Variants in APBB2 observed in about 807,000 individuals in gnomAD.
APBB2 encodes Fe65-like 1.
In APBB2, 38 loss-of-function variants were observed where a neutral mutation model predicts 82.5. That is an observed-to-expected ratio of 0.46 (90% CI 0.36 to 0.60). APBB2 has a LOEUF of 0.60. Among genes scored for constraint, APBB2 ranks in the 20% least tolerant of loss-of-function variants. The pLI is 0.00. For synonymous variants in APBB2, 341 were observed against 368.2 expected (o/e 0.93, Z 0.85); for missense variants, 772 against 972.3 (o/e 0.79, Z 2.74).
chr4:41,144,281 C>T (rs1430403802), intron 1 of APBB2, among the ~76,000 whole-genome samples: 1 of 152,138 alleles, frequency 6.6e-6, no homozygotes, highest in Non-Finnish European at 1.5e-5. Flanking sequence ...AAACCTCAGT[C>T]CCAAAAATCA....
intron 10 of APBB2, among the ~76,000 whole-genome samples, chr4:40,930,906 C>A (rs1560311120): frequency 6.6e-6 from 1 of 152,200 alleles, no homozygotes; most frequent in South Asian, 2.1e-4. Context: ...CACCACCATG[C>A]CCAGCTAATT....
intron 4 of APBB2, among the ~76,000 whole-genome samples, chr4:41,060,331 A>G (rs767628840): frequency 2.0e-5 from 3 of 152,242 alleles, no homozygotes; most frequent in Non-Finnish European, 4.4e-5. Context: ...TGTAATATGC[A>G]AAGAATTTCT....
intron 3 of APBB2, among the ~76,000 whole-genome samples, chr4:41,080,509 A>AAGATC (rs1249960640): frequency 6.6e-6 from 1 of 152,208 alleles, no homozygotes; most frequent in Non-Finnish European, 1.5e-5. Context: ...TGTACACAAC[A>AAGATC]AGATCATACA....
chr4:40,818,396 C>A (rs1318376376), intron 17 of APBB2, among the ~76,000 whole-genome samples: 4 of 152,146 alleles, frequency 2.6e-5, no homozygotes, highest in Admixed American at 6.6e-5. Flanking sequence ...AGAAAACCAA[C>A]TGTAGCCAAA....
At chr4:40,825,401 C>T (rs1447549641) in intron 15 of APBB2, among the ~76,000 whole-genome samples, 1 of 152,222 alleles carries the variant, frequency 6.6e-6, no homozygotes, top group Admixed American at 6.5e-5. Context: ...CTCCCAGTCT[C>T]TTTTTGGCTT....
intron 1 of APBB2, among the ~76,000 whole-genome samples, chr4:41,171,503 A>C (rs1359522139): frequency 6.6e-6 from 1 of 152,232 alleles, no homozygotes; most frequent in Non-Finnish European, 1.5e-5. Flanking sequence ...TTTGGAAGAC[A>C]AAACAGGGCC....
At chr4:40,949,803 G>A (rs1215234116) in intron 6 of APBB2, among the ~76,000 whole-genome samples, 2 of 152,176 alleles carry the variant, frequency 1.3e-5, no homozygotes, top group African/African-American at 2.4e-5. Flanking sequence ...TAAACTGAGC[G>A]TCTGCCACGC....
At chr4:40,846,470 T>C (rs563198945) in intron 12 of APBB2, among the ~76,000 whole-genome samples, 12 of 152,238 alleles carry the variant, frequency 7.9e-5, no homozygotes, top group African/African-American at 2.9e-4. Flanking sequence ...GAAAGGCCTC[T>C]GAACTGAAAT....
intron 1 of APBB2, among the ~76,000 whole-genome samples, chr4:41,186,614 T>C (rs1267354768): frequency 6.6e-6 from 1 of 152,184 alleles, no homozygotes; most frequent in Non-Finnish European, 1.5e-5. Flanking sequence ...AGTTCAGATC[T>C]CTACTTTATC....
chr4:41,069,938 C>A (rs1733227143), intron 3 of APBB2, among the ~76,000 whole-genome samples: 1 of 152,172 alleles, frequency 6.6e-6, no homozygotes, highest in South Asian at 2.1e-4. Context: ...ACACAAGATG[C>A]CTCTTAAATG....
At chr4:40,910,121 A>ATTT (rs34289899) in intron 10 of APBB2, among the ~76,000 whole-genome samples, 2 of 142,784 alleles carry the variant, frequency 1.4e-5, no homozygotes, top group Non-Finnish European at 3.0e-5. Context: ...TGCCTGGCTA[A>ATTT]TTTTTTTTTT....
Position 41,014,566 on chromosome 4 carries a change from T to C in APBB2, c.20-168A>G, listed in dbSNP as rs1264052468. ...TTTATTTCACCATTTGTTCCTATAT[T>C]AAACAGGAGCAAATAAAGGGCTTAA... is the stretch of plus-strand genomic sequence containing the variant. On this transcript the variant is annotated intron_variant, in intron 5 of 17. Coordinates refer to ENST00000508593, the MANE Select transcript of APBB2 (RefSeq NM_004307.2). The C allele has an allele frequency of 4.3e-6, 3 of 702,944 alleles. No individual in the cohort carries two copies. In the East Asian group the frequency reaches 8.1e-5, roughly 19 times the overall value. The allele number at this position is 702,944 out of a possible 1,614,324, so 43.5% of individuals were successfully genotyped here. A position where few individuals can be genotyped will look rare whatever the true frequency, so the allele number is the denominator to read the frequency against.
At chr4:40,971,860 A>T (rs1183464108) in intron 6 of APBB2, among the ~76,000 whole-genome samples, 1 of 152,240 alleles carries the variant, frequency 6.6e-6, no homozygotes. Flanking sequence ...CCATTGACTT[A>T]TTAATAGGTA....
intron 1 of APBB2, among the ~76,000 whole-genome samples, chr4:41,158,669 C>G (rs1234925798): frequency 6.6e-6 from 1 of 152,202 alleles, no homozygotes; most frequent in Admixed American, 6.5e-5. Context: ...TCACTGCCCA[C>G]AAAAATGCCT....
intron 12 of APBB2, among the ~76,000 whole-genome samples, chr4:40,885,428 G>C (rs1380252083): frequency 6.6e-6 from 1 of 152,208 alleles, no homozygotes; most frequent in Non-Finnish European, 1.5e-5. Context: ...GGCCAGTGAG[G>C]AATTGGGGGA....
In APBB2 at chr4:40,839,589, T is replaced by C. The variant is rs567606418; in HGVS notation, c.1530-9012A>G. ...CATTCAATAAATGGTAGGTACCATA[T>C]TATAAATGAGGAAAAAGAAGTCAAA... On this transcript the variant is annotated intron_variant, in intron 12 of 17. Transcript: ENST00000508593. 2.0e-5 allele frequency among the ~76,000 whole-genome samples: 3 copies of C among 152,256 alleles called. No homozygotes were observed. The East Asian group carries it at 5.8e-4, about 29-fold the overall frequency.
At chr4:40,963,835 G>C (rs564328735) in intron 6 of APBB2, among the ~76,000 whole-genome samples, 1 of 152,190 alleles carries the variant, frequency 6.6e-6, no homozygotes, top group African/African-American at 2.4e-5. Context: ...AAAACACTGC[G>C]TGTCTTCCTG....
At chr4:40,921,223 C>T (rs565522842) in intron 10 of APBB2, among the ~76,000 whole-genome samples, 1 of 152,360 alleles carries the variant, frequency 6.6e-6, no homozygotes, top group Non-Finnish European at 1.5e-5. Flanking sequence ...GCTCTATGAA[C>T]ATCGGCTAAC....
intron 3 of APBB2, among the ~76,000 whole-genome samples, chr4:41,090,875 G>A (rs1259012886): frequency 6.6e-6 from 1 of 152,204 alleles, no homozygotes; most frequent in African/African-American, 2.4e-5. Context: ...TATGTGAGCA[G>A]AAAGTCAGAA....
Sources: allele counts gnomAD v4.1 joint callset (sites outside exome capture counted in the v4.1 genomes callset), GRCh38; gene constraint gnomAD v4.1.1; transcripts MANE v1.5; gene names NCBI Gene and HGNC (gene_info 2026-07-23, HGNC 2026-07-21).